The following DUSP15 variants were observed in gnomAD, a reference collection of about 807,000 sequenced individuals.
The protein encoded by DUSP15 is dual specificity protein phosphatase 15.
In DUSP15, 23 loss-of-function variants were observed where a neutral mutation model predicts 26.3. The observed-to-expected ratio is 0.87, with a 90% confidence interval of 0.63 to 1.24. The LOEUF (loss-of-function observed/expected upper bound fraction) is 1.24. DUSP15 is among the 50% of genes most tolerant of loss of function. The pLI is 0.00. For synonymous variants in DUSP15, 143 were observed against 135.5 expected (o/e 1.06, Z -0.39); for missense variants, 364 against 320.6 (o/e 1.14, Z -1.03).
chr20:31,861,280 G>C lies in DUSP15; in HGVS notation c.*123C>G. ...GCGGACGAGCAGGGCGGGCGCGGGA[G>C]GCAGGGTTCAGGCCGCCGCGGGGCT... On this transcript the variant is annotated 3_prime_UTR_variant, in exon 7 of 7. Transcript: ENST00000339738. 1 of 1,364,652 alleles carries C rather than the reference G, an allele frequency of 7.3e-7. No individual in the cohort carries two copies. The highest frequency in any genetic ancestry group is 9.4e-7 in the Non-Finnish European group (1 of 1,065,466). 84.5% of individuals were successfully genotyped at this position (1,364,652 alleles called of 1,614,324 possible).
At chr20:31,849,730 A>C in intron 8 of DUSP15, 1 of 1,538,670 alleles carries the variant, frequency 6.5e-7, no homozygotes, top group South Asian at 1.2e-5. Flanking sequence ...TGGGTCGGGG[A>C]AGCGAACCTG....
At chr20:31,855,392 C>G (rs2062544137) in intron 6 of DUSP15, among the ~76,000 whole-genome samples, 1 of 152,114 alleles carries the variant, frequency 6.6e-6, no homozygotes, top group African/African-American at 2.4e-5. Context: ...TTTGCAACGA[C>G]AGGATCTATG....
chr20:31,850,692 A>G, intron 6 of DUSP15: 1 of 1,608,892 alleles, frequency 6.2e-7, no homozygotes, highest in Non-Finnish European at 8.5e-7. Flanking sequence ...GAAGGAGAGG[A>G]AGCAGTCAGG....
At position 31,869,601 on chromosome 20, in the gene DUSP15, G is replaced by A. The variant is rs541353570; in HGVS notation, c.22-4C>T. 1.2e-6 allele frequency: 2 copies of A among 1,613,760 alleles called. No individual in the cohort carries two copies. Among genetic ancestry groups the A allele is most frequent in the East Asian group, 2.2e-5 (1 of 44,852 alleles). ...CGAGGTAGAGTCCAGGAAGTACCTA[G>A]AGGAAGGACAGGCAAGGGTCAGTGG... On this transcript the variant is annotated splice_region_variant and splice_polypyrimidine_tract_variant and intron_variant, in intron 1 of 6. Transcript: ENST00000339738.
downstream of DUSP15, among the ~76,000 whole-genome samples, chr20:31,856,596 G>A (rs2062566471): frequency 6.6e-6 from 1 of 152,102 alleles, no homozygotes; most frequent in Admixed American, 6.5e-5. Context: ...TGGAAGGTGG[G>A]GAGTGGCCAG....
chr20:31,862,715 C>A lies in DUSP15; in HGVS notation c.291G>T (p.Thr97=), dbSNP rs765715523. 2.5e-6 allele frequency: 4 copies of A among 1,611,232 alleles called. No individual in the cohort carries two copies. The highest frequency in any genetic ancestry group is 2.2e-5 in the South Asian group (2 of 90,880). ...HCFAGISRST[T]IVTAYVMTVT... ...CAGTCATCACATACGCTGTCACAAT[C>A]GTGGTGCTGCGAGAGATGCCTGCAA... Residue 97 remains threonine (T), a synonymous_variant, in exon 6 of 7, where the codon ACG becomes ACT. Transcript: ENST00000339738.
At chr20:31,851,835 G>C (rs753060201) in intron 6 of DUSP15, among the ~76,000 whole-genome samples, 5 of 152,068 alleles carry the variant, frequency 3.3e-5, no homozygotes, top group Non-Finnish European at 7.4e-5. Context: ...TACCTCTTCA[G>C]GGGGCGCCCA....
At chr20:31,850,587 AG>A in intron 7 of DUSP15, 1 of 1,603,002 alleles carries the variant, frequency 6.2e-7, no homozygotes, top group South Asian at 1.1e-5. Context: ...CACTGGTCGG[AG>A]GGGAGGGGAT....
At position 31,862,468 on chromosome 20, in the gene DUSP15, G is replaced by A. The variant is rs116057490; in HGVS notation, c.435+103C>T. ...TGAGTTTGAGACCCTAGAAAAATCC[G>A]GGTCTGAGGCACAGGCTAAAAATGT... is the stretch of plus-strand genomic sequence containing the variant. On this transcript the variant is annotated intron_variant, in intron 6 of 6. Coordinates refer to ENST00000339738, the MANE Select transcript of DUSP15 (RefSeq NM_080611.5). 1.2e-3 allele frequency: 1,626 copies of A among 1,391,204 alleles called. 16 individuals are homozygous for A. The African/African-American group carries it at 0.021, about 18-fold the overall frequency. The allele number at this position is 1,391,204 out of a possible 1,614,324, so 86.2% of individuals were successfully genotyped here.
At chr20:31,855,616 C>G (rs1310998699) in intron 6 of DUSP15, among the ~76,000 whole-genome samples, 1 of 152,140 alleles carries the variant, frequency 6.6e-6, no homozygotes, top group Non-Finnish European at 1.5e-5. Flanking sequence ...GGGAGGCCAG[C>G]CCCCAGAATC....
Position 31,862,692 on chromosome 20 carries a change from G to C in DUSP15, c.314C>G (p.Thr105Ser). The C allele has an allele frequency of 6.2e-7, 1 of 1,614,066 alleles. No homozygotes were observed. The highest frequency in any genetic ancestry group is 8.5e-7 in the Non-Finnish European group (1 of 1,179,972). Residue 105 changes from threonine (T) to serine (S), a missense_variant, in exon 6 of 7, where the codon ACT becomes AGT. Transcript: ENST00000339738. ...STTIVTAYVM[T>S]VTGLGWRDVL... ...GTCCCGCCAGCCTAGCCCCGTCACA[G>C]TCATCACATACGCTGTCACAATCGT...
At chr20:31,846,400 C>T (rs533009360), downstream of DUSP15, among the ~76,000 whole-genome samples, 2 of 150,186 alleles carry the variant, frequency 1.3e-5, no homozygotes, top group South Asian at 4.3e-4. Flanking sequence ...AAAGGAGATA[C>T]TGAGAGACAC....
Position 31,849,723 on chromosome 20 carries a change from G to A in DUSP15, c.628+15C>T, listed in dbSNP as rs752747635. The A allele has an allele frequency of 2.3e-3, 3,468 of 1,538,056 alleles. 9 individuals are homozygous for A. Among genetic ancestry groups the A allele is most frequent in the Non-Finnish European group, 2.9e-3 (3,288 of 1,148,752 alleles). On this transcript the variant is annotated intron_variant, in intron 8 of 9. Coordinates refer to the DUSP15 transcript ENST00000278979. Reference sequence around the variant, plus strand: ...GCAACACGTGGGCGCTGGGCAATGGGTCGGGGAAGCGAACCTGCTGCAACG... The same window carrying A: ...GCAACACGTGGGCGCTGGGCAATGGATCGGGGAAGCGAACCTGCTGCAACG...
Position 31,863,898 on chromosome 20 carries a change from T to G in DUSP15, c.263+9A>C. The G allele has an allele frequency of 1.2e-6, 2 of 1,608,314 alleles. No homozygotes were observed. The highest frequency in any genetic ancestry group is 1.7e-6 in the Non-Finnish European group (2 of 1,175,424). On this transcript the variant is annotated intron_variant, in intron 5 of 6. Coordinates refer to ENST00000339738, the MANE Select transcript of DUSP15 (RefSeq NM_080611.5). Reference sequence around the variant, plus strand: ...CCTCCCCCACCTTATCCCCCTCCGCTTAACTCACCAGTGCACAAGGCAGTT... The same window carrying G: ...CCTCCCCCACCTTATCCCCCTCCGCGTAACTCACCAGTGCACAAGGCAGTT...
At position 31,870,466 on chromosome 20, in the gene DUSP15, G is replaced by A. The variant is rs1322510348; in HGVS notation, c.-129C>T. The A allele has an allele frequency of 3.9e-6, 5 of 1,296,658 alleles. No individual in the cohort carries two copies. The Admixed American group carries it at 1.7e-4, about 43-fold the overall frequency. 80.3% of individuals were successfully genotyped at this position (1,296,658 alleles called of 1,614,324 possible). ...GGGAACGGGGGGCCTGGCGTCCGCG[G>A]CCCTGCCCAGCCCTGCCCAGCCACC... On this transcript the variant is annotated 5_prime_UTR_variant, in exon 1 of 7. Coordinates refer to ENST00000339738, the MANE Select transcript of DUSP15 (RefSeq NM_080611.5). The surrounding 1 kb of genome is among the most constrained non-coding windows in gnomAD (Gnocchi z 6.6).
chr20:31,850,233 C>T (rs1382328975), intron 7 of DUSP15, among the ~76,000 whole-genome samples: 1 of 152,176 alleles, frequency 6.6e-6, no homozygotes, highest in Admixed American at 6.5e-5. Flanking sequence ...AACCTAGCAG[C>T]GTCTCATGAG....
downstream of DUSP15, among the ~76,000 whole-genome samples, chr20:31,857,068 G>C (rs1030239545): frequency 1.3e-5 from 2 of 152,120 alleles, no homozygotes; most frequent in Admixed American, 1.3e-4. Context: ...GACTGGTCAT[G>C]GGGGGCTGGG....
chr20:31,867,025 G>T lies in DUSP15; in HGVS notation c.138+46C>A, dbSNP rs755719973. The T allele has an allele frequency of 3.3e-6, 5 of 1,521,882 alleles. No homozygotes were observed. In the Admixed American group the frequency reaches 7.8e-5, roughly 24 times the overall value. The allele number at this position is 1,521,882 out of a possible 1,614,324, so 94.3% of individuals were successfully genotyped here. ...TAGTAGATATTTGATAAACAGGTCT[G>T]CACCCTCCCACCCCCGCATAGCCCT... On this transcript the variant is annotated intron_variant, in intron 3 of 6. Transcript: ENST00000339738.
Position 31,864,943 on chromosome 20 carries a change from G to A in DUSP15, c.188+10C>T. 1 of 1,613,886 alleles carries A rather than the reference G, an allele frequency of 6.2e-7. No homozygotes were observed. The highest frequency in any genetic ancestry group is 1.6e-4 in the Middle Eastern group (1 of 6,062). On this transcript the variant is annotated intron_variant, in intron 4 of 6. Coordinates refer to ENST00000339738, the MANE Select transcript of DUSP15 (RefSeq NM_080611.5). ...TCTGTCCATCTATGGGTCCATCCAG[G>A]GGAACTTACATGGGTACCTCAGGGG...
Sources: allele counts gnomAD v4.1 joint callset (sites outside exome capture counted in the v4.1 genomes callset), GRCh38; gene constraint gnomAD v4.1.1; non-coding constraint Gnocchi (gnomAD v3.1); transcripts MANE v1.5; gene names NCBI Gene and HGNC (gene_info 2026-07-23, HGNC 2026-07-21).